The following CSRNP3 variants were observed in gnomAD, a reference collection of about 807,000 sequenced individuals.
CSRNP3 encodes cysteine and serine rich nuclear protein 3.
Under a neutral mutation model 48.0 loss-of-function variants are expected in CSRNP3, and 12 were observed. The observed-to-expected ratio is 0.25, with a 90% CI of 0.16 to 0.41. The LOEUF is 0.41. CSRNP3 is among the 10% of genes least tolerant of loss of function. The pLI is 1.00. For synonymous variants in CSRNP3, 263 were observed against 269.7 expected (o/e 0.98, Z 0.24); for missense variants, 580 against 724.4 (o/e 0.80, Z 2.29).
intron 3 of CSRNP3, among the ~76,000 whole-genome samples, chr2:165,522,590 G>C (rs1349418020): frequency 6.6e-6 from 1 of 151,950 alleles, no homozygotes; most frequent in African/African-American, 2.4e-5. Flanking sequence ...TCATTGGGGT[G>C]ATTACATTGA....
chr2:165,587,451 C>T (rs1165283332), intron 3 of CSRNP3, among the ~76,000 whole-genome samples: 2 of 152,232 alleles, frequency 1.3e-5, no homozygotes, highest in Admixed American at 6.5e-5. Context: ...GTCTCCCTCT[C>T]GGCCTAATGG....
intron 5 of CSRNP3, among the ~76,000 whole-genome samples, chr2:165,673,816 T>A (rs1289727379): frequency 1.3e-5 from 2 of 151,862 alleles, no homozygotes; most frequent in Admixed American, 1.3e-4. Context: ...AGGTCAGGAG[T>A]TCGAGACCAG....
At chr2:165,570,420 A>C (rs1363413625) in intron 3 of CSRNP3, among the ~76,000 whole-genome samples, 1 of 151,974 alleles carries the variant, frequency 6.6e-6, no homozygotes, top group Non-Finnish European at 1.5e-5. Flanking sequence ...TTGTTAAATT[A>C]TTCCTTTGCA....
chr2:165,491,955 A>AAAAAC (rs1162524098), intron 1 of CSRNP3, among the ~76,000 whole-genome samples: 1 of 151,364 alleles, frequency 6.6e-6, no homozygotes, highest in East Asian at 1.9e-4. Flanking sequence ...TATAATAAAA[A>AAAAAC]AAAAAAAAAA....
chr2:165,675,035 C>T (rs1426055761), intron 5 of CSRNP3, among the ~76,000 whole-genome samples: 1 of 152,050 alleles, frequency 6.6e-6, no homozygotes, highest in Non-Finnish European at 1.5e-5. Context: ...TTAGTATATA[C>T]ACTTGCTAGT....
At chr2:165,481,162 AC>A (rs1217638986) in intron 1 of CSRNP3, among the ~76,000 whole-genome samples, 1 of 152,180 alleles carries the variant, frequency 6.6e-6, no homozygotes, top group African/African-American at 2.4e-5. Context: ...AAATAAAAGC[AC>A]ATGGTATTGG....
chr2:165,679,918 C>CTAG lies in CSRNP3; in HGVS notation c.*165_*166insTAG. On this transcript the variant is annotated 3_prime_UTR_variant, in exon 7 of 7. Coordinates refer to ENST00000651982, the MANE Select transcript of CSRNP3 (RefSeq NM_001172173.2). The stretch of plus-strand genomic sequence containing the variant: ...TTCCTTTCTAGCCACATGACTGTGG[C>CTAG]ATTGCACAAATACAGTCTCTGTAGG... The CTAG allele has an allele frequency of 1.1e-6, 1 of 924,276 alleles. No homozygotes were observed. Among genetic ancestry groups the CTAG allele is most frequent in the Non-Finnish European group, 1.6e-6 (1 of 616,126 alleles). 57.3% of individuals were successfully genotyped at this position (924,276 alleles called of 1,614,324 possible). A position where few individuals can be genotyped will look rare whatever the true frequency, so the allele number is the denominator to read the frequency against.
intron 4 of CSRNP3, among the ~76,000 whole-genome samples, chr2:165,651,111 G>T (rs151215962): frequency 6.6e-4 from 100 of 152,324 alleles, no homozygotes; most frequent in African/African-American, 2.2e-3. Context: ...GGTGGAATTG[G>T]TAGTCCAGAA....
chr2:165,661,988 T>A lies in CSRNP3; in HGVS notation c.408+3968T>A, dbSNP rs138460488. On this transcript the variant is annotated intron_variant, in intron 5 of 6. Coordinates refer to ENST00000651982, the MANE Select transcript of CSRNP3 (RefSeq NM_001172173.2). The stretch of plus-strand genomic sequence containing the variant: ...TGTCCCTCTGTATCTTTCCAGGGTG[T>A]CTTTGCTGAGTTCCAAATAGAGAAC... Among the ~76,000 whole-genome samples the A allele has an allele frequency of 3.3e-3, 495 of 152,200 alleles. 9 individuals carry two copies. Among genetic ancestry groups the A allele is most frequent in the Admixed American group, 0.03 (459 of 15,268 alleles).
intron 3 of CSRNP3, among the ~76,000 whole-genome samples, chr2:165,578,034 A>G (rs1348136258): frequency 2.0e-5 from 3 of 152,094 alleles, no homozygotes; most frequent in South Asian, 2.1e-4. Flanking sequence ...AATCTATAAT[A>G]TTAAACTATC....
intron 3 of CSRNP3, among the ~76,000 whole-genome samples, chr2:165,535,158 A>G (rs551822646): frequency 4.6e-5 from 7 of 151,964 alleles, no homozygotes; most frequent in African/African-American, 1.4e-4. Flanking sequence ...TTTTAGAGAT[A>G]TAGGTAAAAT....
chr2:165,523,307 TC>T (rs1358703849), intron 3 of CSRNP3, among the ~76,000 whole-genome samples: 2 of 152,286 alleles, frequency 1.3e-5, no homozygotes, highest in East Asian at 3.9e-4. Flanking sequence ...CTAGCCCTTT[TC>T]CTTCAGCCAT....
intron 5 of CSRNP3, among the ~76,000 whole-genome samples, chr2:165,667,896 T>G (rs1687261239): frequency 1.3e-5 from 2 of 152,240 alleles, no homozygotes; most frequent in Non-Finnish European, 2.9e-5. Context: ...ATGGCAGAAC[T>G]GTTGTACATC....
Position 165,679,132 on chromosome 2 carries a change from A to AGAG in CSRNP3, c.1149_1151dup (p.Glu383dup). 1 of 1,613,608 alleles carries AGAG rather than the reference A, an allele frequency of 6.2e-7. No individual in the cohort carries two copies. The highest frequency in any genetic ancestry group is 8.5e-7 in the Non-Finnish European group (1 of 1,179,786). On this transcript the variant is annotated inframe_insertion, in exon 7 of 7. Transcript: ENST00000651982. ...AGGAGGAGGAGGAAGAAGAAGAGGAAGAGGAGGAGGAGGATGACGATGATG... is the reference window on the plus strand; with the variant it reads ...AGGAGGAGGAGGAAGAAGAAGAGGAAGAGGAGGAGGAGGAGGATGACGATGATG...
chr2:165,643,722 C>A (rs147636300), intron 4 of CSRNP3, among the ~76,000 whole-genome samples: 1 of 152,086 alleles, frequency 6.6e-6, no homozygotes, highest in Non-Finnish European at 1.5e-5. Context: ...AATTTAAAAT[C>A]GTCTTTGCTT....
intron 3 of CSRNP3, among the ~76,000 whole-genome samples, chr2:165,541,879 T>G (rs1236555642): frequency 1.3e-5 from 2 of 151,958 alleles, no homozygotes. Context: ...TCTACAGAGT[T>G]TATAGTTTTC....
intron 3 of CSRNP3, among the ~76,000 whole-genome samples, chr2:165,558,157 T>C (rs1375131088): frequency 6.6e-6 from 1 of 152,072 alleles, no homozygotes; most frequent in Non-Finnish European, 1.5e-5. Context: ...AAAAAACTAT[T>C]GTAGAGTAGA....
chr2:165,665,191 C>T lies in CSRNP3; in HGVS notation c.408+7171C>T, dbSNP rs78609880. On this transcript the variant is annotated intron_variant, in intron 5 of 6. Coordinates refer to ENST00000651982, the MANE Select transcript of CSRNP3 (RefSeq NM_001172173.2). Reference sequence around the variant, plus strand: ...AAAGGAGAAGCACCCCACCATGACCCCCAGGGAGAAACATTGCCAGGGTGC... The same window carrying T: ...AAAGGAGAAGCACCCCACCATGACCTCCAGGGAGAAACATTGCCAGGGTGC... Among the ~76,000 whole-genome samples the T allele has an allele frequency of 4.9e-3, 753 of 152,230 alleles. 10 individuals are homozygous for T. Among genetic ancestry groups the T allele is most frequent in the African/African-American group, 0.018 (728 of 41,550 alleles).
At chr2:165,497,467 ACTAT>A (rs199727250) in intron 2 of CSRNP3, among the ~76,000 whole-genome samples, 3,130 of 152,160 alleles carry the variant, frequency 0.021, 103 homozygotes, top group African/African-American at 0.072. Context: ...CCTACGGGAG[ACTAT>A]CTATCACTAT....
Sources: allele counts gnomAD v4.1 joint callset (sites outside exome capture counted in the v4.1 genomes callset), GRCh38; gene constraint gnomAD v4.1.1; transcripts MANE v1.5; gene names NCBI Gene and HGNC (gene_info 2026-07-23, HGNC 2026-07-21).